The following MMP10 variants were observed in gnomAD, a reference collection of about 807,000 sequenced individuals.
The protein encoded by MMP10 is stromelysin-2.
In MMP10, 50 loss-of-function variants were observed where a neutral mutation model predicts 49.1. The observed-to-expected ratio is 1.02, with a 90% CI of 0.81 to 1.29. The LOEUF is 1.29. Among genes scored for constraint, MMP10 ranks in the 50% most tolerant of loss-of-function variants. The probability of loss-of-function intolerance (pLI) is 0.00; values close to 1 mark genes in which losing one functional copy is unlikely to be tolerated. For synonymous variants in MMP10, 229 were observed against 201.6 expected, an observed-to-expected ratio of 1.14 and a Z score of -1.15; for missense variants, 613 against 563.8, an observed-to-expected ratio of 1.09 and a Z score of -0.88.
Position 102,776,345 on chromosome 11 carries a change from A to G in MMP10, c.867T>C (p.Cys289=), listed in dbSNP as rs746449943. 167 of 1,613,850 alleles carry G rather than the reference A, an allele frequency of 1.0e-4. No individual in the cohort carries two copies. The highest frequency in any genetic ancestry group is 1.4e-4 in the Non-Finnish European group (160 of 1,179,902). Residue 289 remains cysteine (C), a synonymous_variant, in exon 6 of 10, where the codon TGT becomes TGC. Coordinates refer to ENST00000279441, the MANE Select transcript of MMP10 (RefSeq NM_002425.3). ...VPSGSEMPAK[C]DPALSFDAIS... ...TGGCATCGAAGGACAAAGCAGGATC[A>G]CACTTGGCTGGCATCTCAGATCCCG...
intron 7 of MMP10, among the ~76,000 whole-genome samples, chr11:102,773,460 C>A (rs1342038133): frequency 1.3e-5 from 2 of 152,158 alleles, no homozygotes; most frequent in Admixed American, 1.3e-4. Flanking sequence ...TGAGTTAGGA[C>A]AATAAAATCC....
Position 102,772,244 on chromosome 11 carries a change from A to C in MMP10, c.1227-129T>G, listed in dbSNP as rs1034222446. On this transcript the variant is annotated intron_variant, in intron 8 of 9. Transcript: ENST00000279441. The surrounding 1 kb of genome is among the most constrained non-coding windows in gnomAD (Gnocchi z 4.4). Reference sequence around the variant, plus strand: ...TTTTTAAGTTGTGTAAAAAAGTGTTAAACATTTTTAGAGCTACAAGAATAG... The same window carrying C: ...TTTTTAAGTTGTGTAAAAAAGTGTTCAACATTTTTAGAGCTACAAGAATAG... The C allele has an allele frequency of 2.5e-5, 15 of 592,598 alleles. No homozygotes were observed. Among genetic ancestry groups the C allele is most frequent in the Non-Finnish European group, 2.9e-6 (1 of 345,224 alleles). 36.7% of individuals were successfully genotyped at this position (592,598 alleles called of 1,614,324 possible). A position where few individuals can be genotyped will look rare whatever the true frequency, so the allele number is the denominator to read the frequency against.
Position 102,779,510 on chromosome 11 carries a change from G to A in MMP10, c.341C>T (p.Thr114Ile), listed in dbSNP as rs1460636886. 21 of 1,613,930 alleles carry A rather than the reference G, an allele frequency of 1.3e-5. No individual in the cohort carries two copies. Among genetic ancestry groups the A allele is most frequent in the Non-Finnish European group, 1.6e-5 (19 of 1,180,020 alleles). The stretch of plus-strand genomic sequence containing the variant: ...AACTAATCTGAACCATTACCTGTAT[G>A]TAAGGTGGGTTTTCCTCCACTTCGG... ...GMPKWRKTHL[T>I]YRIVNYTPDL... Residue 114 changes from threonine (T) to isoleucine (I), a missense_variant, in exon 2 of 10, where the codon ACA (threonine) becomes ATA (isoleucine). Thr to Ile is a moderately conservative substitution (Grantham distance 89). Transcript: ENST00000279441.
chr11:102,774,463 T>C (rs1037595214), intron 7 of MMP10, among the ~76,000 whole-genome samples: 3 of 151,828 alleles, frequency 2.0e-5, no homozygotes. Flanking sequence ...TATTATGAGA[T>C]TGATGAAGAA....
At chr11:102,774,082 T>C (rs979687735) in intron 7 of MMP10, among the ~76,000 whole-genome samples, 3 of 152,188 alleles carry the variant, frequency 2.0e-5, no homozygotes, top group African/African-American at 7.2e-5. Context: ...AAAATCTCCA[T>C]AAAGCTTGAC....
intron 2 of MMP10, 22 bp from the exon 3 acceptor site, chr11:102,779,383 G>T: frequency 6.2e-7 from 1 of 1,612,100 alleles, no homozygotes; most frequent in South Asian, 1.1e-5. Context: ...AAATTGAAGA[G>T]GATGTTATTT....
In MMP10 at chr11:102,779,530, C is replaced by A. The variant is rs769045220; in HGVS notation, c.321G>T (p.Lys107Asn). The change falls in exon 2 of 10, where the codon AAG becomes AAT. Residue 107 changes from lysine (K) to asparagine (N), a missense_variant. Physicochemically the swap from Lys to Asn is moderately conservative, Grantham distance 94. Coordinates refer to ENST00000279441, the MANE Select transcript of MMP10 (RefSeq NM_002425.3). ...GHFSSFPGMP[K>N]WRKTHLTYRI... ...TGTATGTAAGGTGGGTTTTCCTCCACTTCGGCATGCCAGGAAAGGAGCTGA... is the reference window on the plus strand; with the variant it reads ...TGTATGTAAGGTGGGTTTTCCTCCAATTCGGCATGCCAGGAAAGGAGCTGA... 1.9e-6 allele frequency: 3 copies of A among 1,614,086 alleles called. No individual in the cohort carries two copies. The South Asian group carries it at 3.3e-5, about 18-fold the overall frequency.
intron 1 of MMP10, 81 bp from the exon 2 acceptor site, chr11:102,779,826 T>G: frequency 1.4e-6 from 2 of 1,469,566 alleles, no homozygotes; most frequent in Non-Finnish European, 1.8e-6. Flanking sequence ...GTAATTTTCC[T>G]CTAGTTTCTT....
chr11:102,775,392 A>G, intron 6 of MMP10, 71 bp from the exon 7 acceptor site: 1 of 1,279,834 alleles, frequency 7.8e-7, no homozygotes, highest in Non-Finnish European at 1.1e-6. Context: ...CTTTTTTTTT[A>G]AATCCATGCT....
In MMP10 at chr11:102,770,808, G is replaced by T; in HGVS notation, c.1416C>A (p.Ser472Arg). The change falls in exon 10 of 10, where the codon AGC becomes AGA. Residue 472 changes from serine to arginine, a missense_variant. Physicochemically the swap from Ser to Arg is moderately radical, Grantham distance 110 (BLOSUM62 -1). Coordinates refer to ENST00000279441, the MANE Select transcript of MMP10 (RefSeq NM_002425.3). ...RMVTHILKSN[S>R]WLHC is the part of the protein sequence containing the mutation. ...CCTATCTCGCCTAGCAATGTAACCA[G>T]CTGTTACTCTTTAATATGTGTGTCA... The T allele has an allele frequency of 6.2e-7, 1 of 1,606,856 alleles. No homozygotes were observed. Among genetic ancestry groups the T allele is most frequent in the Non-Finnish European group, 8.5e-7 (1 of 1,175,104 alleles).
chr11:102,775,942 C>A (rs1274004275), intron 6 of MMP10, among the ~76,000 whole-genome samples: 1 of 151,938 alleles, frequency 6.6e-6, no homozygotes, highest in Non-Finnish European at 1.5e-5. Context: ...AAGAATCATC[C>A]CTTATAAGTC....
chr11:102,779,861 A>C (rs1857801539), intron 1 of MMP10, 116 bp from the exon 2 acceptor site: 1 of 1,233,352 alleles, frequency 8.1e-7, no homozygotes, highest in Non-Finnish European at 1.1e-6. Context: ...TATCACATTT[A>C]ATTTGATTTT....
At chr11:102,778,558 A>G in intron 4 of MMP10, 66 bp downstream of exon 4, 1 of 1,583,974 alleles carries the variant, frequency 6.3e-7, no homozygotes, top group East Asian at 2.2e-5. Context: ...GTTCTAGATA[A>G]TCCAATTATT....
chr11:102,776,506 C>G, intron 5 of MMP10, 82 bp from the exon 6 acceptor site: 1 of 1,581,644 alleles, frequency 6.3e-7, no homozygotes, highest in Admixed American at 1.8e-5. Context: ...CAAACATTCT[C>G]AAAGTGCTTC....
chr11:102,773,916 G>A (rs569567102), intron 7 of MMP10, among the ~76,000 whole-genome samples: 1 of 152,312 alleles, frequency 6.6e-6, no homozygotes, highest in East Asian at 1.9e-4. Flanking sequence ...CTCCACCAAT[G>A]AGAATGGCGT....
rs202054159 is a variant in MMP10, at chr11:102,778,648, C to A, written c.598G>T (p.Glu200Ter). ...LYGDIHFDDD[E>*]KWTEDASGTN... Reference sequence around the variant, plus strand: ...CCTGATGCATCTTCTGTCCATTTTTCATCATCATCAAAGTGAATATCTCCA... The same window carrying A: ...CCTGATGCATCTTCTGTCCATTTTTAATCATCATCAAAGTGAATATCTCCA... The change falls in exon 4 of 10, where the codon GAA becomes TAA. Residue 200 changes from glutamate to a stop codon, truncating the protein, a stop_gained. Transcript: ENST00000279441. LOFTEE classifies it high-confidence loss of function. The A allele has an allele frequency of 1.2e-5, 19 of 1,613,828 alleles. No homozygotes were observed. Among genetic ancestry groups the A allele is most frequent in the Non-Finnish European group, 1.6e-5 (19 of 1,179,936 alleles).
intron 6 of MMP10, among the ~76,000 whole-genome samples, 198 bp from the exon 7 acceptor site, chr11:102,775,519 A>C (rs1862013541): frequency 6.6e-6 from 1 of 152,184 alleles, no homozygotes; most frequent in South Asian, 2.1e-4. Flanking sequence ...GCTTGGTTCC[A>C]TTCTAAAAGT....
rs1861966854 is a variant in MMP10 at position 102,770,713 on chromosome 11, C to A, written c.*80G>T. The stretch of plus-strand genomic sequence containing the variant: ...TCACAGAACATGCAGGAAAAATTAA[C>A]CATTTTGGCTCATAATACATTAGAT... On this transcript the variant is annotated 3_prime_UTR_variant, in exon 10 of 10. Transcript: ENST00000279441. 4 of 851,568 alleles carry A rather than the reference C, an allele frequency of 4.7e-6. No individual in the cohort carries two copies. The highest frequency in any genetic ancestry group is 5.1e-5 in the Admixed American group (2 of 39,434). 52.8% of individuals were successfully genotyped at this position (851,568 alleles called of 1,614,324 possible).
At position 102,779,556 on chromosome 11, in the gene MMP10, A is replaced by G; in HGVS notation, c.295T>C (p.Phe99Leu). The G allele has an allele frequency of 1.2e-6, 2 of 1,614,102 alleles. No homozygotes were observed. Among genetic ancestry groups the G allele is most frequent in the Middle Eastern group, 1.6e-4 (1 of 6,062 alleles). The change falls in exon 2 of 10, where the codon TTC (phenylalanine) becomes CTC (leucine). Residue 99 changes from phenylalanine to leucine, a missense_variant. Transcript: ENST00000279441. ...TTCGGCATGCCAGGAAAGGAGCTGA[A>G]GTGACCAACGTCAGGAACTCCACAC... The part of the protein sequence containing the change: ...PRCGVPDVGH[F>L]SSFPGMPKWR...
Sources: gnomAD v4.1 joint callset for allele counts (sites outside exome capture counted in the v4.1 genomes callset) on GRCh38, gnomAD v4.1.1 for gene constraint, Gnocchi (gnomAD v3.1) non-coding constraint, MANE v1.5 for transcripts, NCBI Gene and HGNC (gene_info 2026-07-23, HGNC 2026-07-21) for gene names.